DNAH11: variants seen among roughly 807,000 people sequenced by gnomAD.
DNAH11 encodes the protein axonemal beta dynein heavy chain 11.
In DNAH11, 442 loss-of-function variants were observed where a neutral mutation model predicts 526.0. That is an observed-to-expected ratio of 0.84 (90% CI 0.78 to 0.91). The LOEUF (loss-of-function observed/expected upper bound fraction) is 0.91, where lower values mean the gene tolerates loss of function less well. DNAH11 is among the 40% of genes least tolerant of loss of function. The probability of loss-of-function intolerance (pLI) is 0.00; values close to 1 mark genes in which losing one functional copy is unlikely to be tolerated. For synonymous variants in DNAH11, 2,461 were observed against 1,935.9 expected, an observed-to-expected ratio of 1.27 and a Z score of -7.12; for missense variants, 6,989 against 5,448.7, an observed-to-expected ratio of 1.28 and a Z score of -8.90.
At chr7:21,698,663 C>A (rs1390514665) in intron 36 of DNAH11, among the ~76,000 whole-genome samples, 1 of 152,196 alleles carries the variant, frequency 6.6e-6, no homozygotes, top group African/African-American at 2.4e-5. Context: ...CTTTTTATGA[C>A]TGAGTAATAT....
intron 8 of DNAH11, among the ~76,000 whole-genome samples, chr7:21,573,710 C>T (rs1326831185): frequency 3.3e-5 from 5 of 152,090 alleles, no homozygotes; most frequent in Non-Finnish European, 5.9e-5. Flanking sequence ...TTTGCATGTA[C>T]ATATGAATAC....
chr7:21,674,218 G>A (rs57372513), intron 30 of DNAH11, among the ~76,000 whole-genome samples: 5,238 of 151,780 alleles, frequency 0.035, 289 homozygotes, highest in African/African-American at 0.12. Flanking sequence ...ATCATGCCCA[G>A]CTAATTTTTG....
intron 56 of DNAH11, among the ~76,000 whole-genome samples, chr7:21,778,396 G>T (rs1439564165): frequency 6.6e-6 from 1 of 152,118 alleles, no homozygotes; most frequent in African/African-American, 2.4e-5. Flanking sequence ...TTAGCTTCAT[G>T]ATCATAAATG....
intron 29 of DNAH11, 23 bp from the exon 30 acceptor site, chr7:21,658,775 A>AAC (rs781427822): frequency 5.1e-5 from 78 of 1,539,610 alleles, no homozygotes; most frequent in Non-Finnish European, 6.1e-5. Context: ...CCTGTGTTAT[A>AAC]ACATTTCAAC....
At chr7:21,734,317 A>C (rs1785512026) in intron 45 of DNAH11, among the ~76,000 whole-genome samples, 1 of 152,228 alleles carries the variant, frequency 6.6e-6, no homozygotes, top group East Asian at 1.9e-4. Context: ...CTCATTTCCA[A>C]GTAAGTGTGA....
Position 21,732,114 on chromosome 7 carries a change from C to T in DNAH11, c.7441-3526C>T, listed in dbSNP as rs569868356. 5.3e-5 allele frequency among the ~76,000 whole-genome samples: 8 copies of T among 152,278 alleles called. No individual in the cohort carries two copies. In the East Asian group the frequency reaches 1.4e-3, roughly 26 times the overall value. On this transcript the variant is annotated intron_variant, in intron 45 of 81. Transcript: ENST00000409508. ...AAGTGTATTAGTTTGCTAGGGCTGC[C>T]ATAACAAAATACCACAGACTGGGCA...
intron 28 of DNAH11, among the ~76,000 whole-genome samples, chr7:21,645,778 A>G (rs1276966810): frequency 1.3e-5 from 2 of 152,184 alleles, no homozygotes; most frequent in Non-Finnish European, 2.9e-5. Flanking sequence ...AAAATTAGAT[A>G]TCTACCATAT....
At chr7:21,830,140 T>C (rs1386251083) in intron 65 of DNAH11, among the ~76,000 whole-genome samples, 1 of 152,194 alleles carries the variant, frequency 6.6e-6, no homozygotes, top group African/African-American at 2.4e-5. Context: ...GATACGTATT[T>C]GAAGACGGTT....
Position 21,631,722 on chromosome 7 carries a change from T to C in DNAH11, c.4501-4149T>C, listed in dbSNP as rs186529598. Among the ~76,000 whole-genome samples, 10 of 152,294 alleles carry C rather than the reference T, an allele frequency of 6.6e-5. No homozygotes were observed. The East Asian group carries it at 1.9e-3, about 29-fold the overall frequency. ...TCTTGGGCAGCTCCGCCTCTGTGGC[T>C]TTTTGGGGTACAGTCTCCCTCCCGG... On this transcript the variant is annotated intron_variant, in intron 25 of 81. Coordinates refer to ENST00000409508, the MANE Select transcript of DNAH11 (RefSeq NM_001277115.2).
In DNAH11 at chr7:21,884,920, A is replaced by G. The variant is rs373517131; in HGVS notation, c.12507+510A>G. 7.2e-5 allele frequency among the ~76,000 whole-genome samples: 11 copies of G among 152,236 alleles called. No homozygotes were observed. The South Asian group carries it at 1.5e-3, about 20-fold the overall frequency. ...CAGTTGGACCAGTATCAGTTACTCA[A>G]TTATAATATGTGCTCAAGAAAAATG... On this transcript the variant is annotated intron_variant, in intron 76 of 81. Transcript: ENST00000409508.
At chr7:21,556,976 G>A (rs752612495) in intron 2 of DNAH11, among the ~76,000 whole-genome samples, 20 of 151,682 alleles carry the variant, frequency 1.3e-4, no homozygotes, top group Non-Finnish European at 2.2e-4. Flanking sequence ...CAGGAGAATC[G>A]CTTGAACCCA....
chr7:21,612,265 G>A (rs1409887716), intron 20 of DNAH11, among the ~76,000 whole-genome samples: 2 of 151,984 alleles, frequency 1.3e-5, no homozygotes, highest in African/African-American at 4.8e-5. Flanking sequence ...CCAAAACAGA[G>A]ACTAAGAAGG....
At chr7:21,551,752 T>G (rs2128427831) in intron 2 of DNAH11, among the ~76,000 whole-genome samples, 1 of 152,340 alleles carries the variant, frequency 6.6e-6, no homozygotes, top group South Asian at 2.1e-4. Flanking sequence ...GGTCTAACTT[T>G]TCTTTGGTAT....
chr7:21,721,575 C>G (rs539199976), intron 44 of DNAH11, among the ~76,000 whole-genome samples: 1 of 152,076 alleles, frequency 6.6e-6, no homozygotes, highest in Non-Finnish European at 1.5e-5. Flanking sequence ...CCTTTCAGAC[C>G]GCCACTTTCC....
intron 14 of DNAH11, 117 bp from the exon 15 acceptor site, chr7:21,599,670 T>A: frequency 1.4e-6 from 1 of 728,574 alleles, no homozygotes; most frequent in Non-Finnish European, 2.1e-6. Flanking sequence ...ATTTGAATGT[T>A]CCTGTCTTGT....
chr7:21,791,077 G>C (rs940899875), intron 61 of DNAH11, among the ~76,000 whole-genome samples: 70 of 152,294 alleles, frequency 4.6e-4, no homozygotes, highest in Non-Finnish European at 7.3e-5. Context: ...TACGTTCAAG[G>C]CTGGCTGATG....
chr7:21,696,623 T>C (rs756056929), intron 35 of DNAH11, among the ~76,000 whole-genome samples: 4 of 152,228 alleles, frequency 2.6e-5, no homozygotes, highest in Non-Finnish European at 5.9e-5. Context: ...TGAAATTGTC[T>C]TGTGAATTTT....
rs1204977932 is a variant in DNAH11, at chr7:21,615,180, G to C, written c.3919G>C (p.Glu1307Gln). 4 of 1,613,066 alleles carry C rather than the reference G, an allele frequency of 2.5e-6. No individual in the cohort carries two copies. Among genetic ancestry groups the C allele is most frequent in the South Asian group, 1.1e-5 (1 of 90,932 alleles). The change falls in exon 21 of 82, where the codon GAA becomes CAA. Residue 1307 changes from glutamate (E) to glutamine (Q), a missense_variant. Glu to Gln is a conservative substitution (Grantham distance 29). Coordinates refer to ENST00000409508, the MANE Select transcript of DNAH11 (RefSeq NM_001277115.2). ...LQMQESTRLF[E>Q]VALPEYKQMK... ...GATGCAAGAATCTACTCGTCTTTTTGAAGTGGCTCTTCCAGAGTACAAACA... is the reference window on the plus strand; with the variant it reads ...GATGCAAGAATCTACTCGTCTTTTTCAAGTGGCTCTTCCAGAGTACAAACA...
intron 76 of DNAH11, among the ~76,000 whole-genome samples, chr7:21,887,571 C>G (rs1290833119): frequency 6.6e-6 from 1 of 152,182 alleles, no homozygotes. Context: ...GTTTCATAAT[C>G]TACAAAACCA....
Sources: gnomAD v4.1 joint callset for allele counts (sites outside exome capture counted in the v4.1 genomes callset) on GRCh38, gnomAD v4.1.1 for gene constraint, MANE v1.5 for transcripts, NCBI Gene and HGNC (gene_info 2026-07-23, HGNC 2026-07-21) for gene names.